Variants in CTSS observed in about 807,000 individuals in gnomAD.
CTSS encodes cathepsin S.
A neutral mutation model predicts 39.9 loss-of-function variants in CTSS; 15 were observed. The ratio of observed to expected loss-of-function variants is 0.38; its 90% CI spans 0.25 to 0.58. The LOEUF (loss-of-function observed/expected upper bound fraction) is 0.58, where lower values mean the gene tolerates loss of function less well. CTSS is among the 20% of genes least tolerant of loss of function. The pLI is 0.70. For synonymous variants in CTSS, 126 were observed against 138.2 expected, an observed-to-expected ratio of 0.91 and a Z score of 0.62; for missense variants, 250 against 398.2, an observed-to-expected ratio of 0.63 and a Z score of 3.17.
intron 7 of CTSS, among the ~76,000 whole-genome samples, chr1:150,742,628 A>G (rs183066446): frequency 6.6e-6 from 1 of 152,262 alleles, no homozygotes; most frequent in East Asian, 1.9e-4. Flanking sequence ...TTTTAAAAAG[A>G]TACCGCTATA....
chr1:150,754,906 G>A (rs889027364), intron 4 of CTSS, 95 bp downstream of exon 4: 19 of 1,281,754 alleles, frequency 1.5e-5, no homozygotes, highest in East Asian at 7.1e-5. Flanking sequence ...AAAGTAACAC[G>A]TGGGACTGTA....
chr1:150,744,587 T>TTA (rs1376310748), intron 7 of CTSS, among the ~76,000 whole-genome samples: 1 of 125,104 alleles, frequency 8.0e-6, no homozygotes, highest in African/African-American at 3.0e-5. Flanking sequence ...ATATTATATA[T>TTA]TATATATGTA....
intron 7 of CTSS, among the ~76,000 whole-genome samples, chr1:150,736,462 A>G (rs1241435494): frequency 6.6e-6 from 1 of 152,194 alleles, no homozygotes; most frequent in East Asian, 1.9e-4. Context: ...TGAAATTCAG[A>G]CCAGTACATC....
At chr1:150,739,827 G>A (rs587761414) in intron 7 of CTSS, among the ~76,000 whole-genome samples, 1 of 152,292 alleles carries the variant, frequency 6.6e-6, no homozygotes, top group East Asian at 1.9e-4. Context: ...CCAGAGCAAG[G>A]CCCTAACTCT....
At chr1:150,752,929 C>T (rs1653036922) in intron 4 of CTSS, among the ~76,000 whole-genome samples, 1 of 152,188 alleles carries the variant, frequency 6.6e-6, no homozygotes, top group African/African-American at 2.4e-5. Flanking sequence ...TCATGGCTCA[C>T]TGTAGCCTCA....
intron 7 of CTSS, among the ~76,000 whole-genome samples, chr1:150,747,496 G>C (rs587630269): frequency 2.4e-4 from 36 of 152,132 alleles, no homozygotes; most frequent in African/African-American, 8.4e-4. Context: ...TAACATTTTT[G>C]GGCTAAATAG....
At chr1:150,748,712 G>T (rs893090112) in intron 6 of CTSS, among the ~76,000 whole-genome samples, 2 of 151,688 alleles carry the variant, frequency 1.3e-5, no homozygotes, top group South Asian at 4.2e-4. Flanking sequence ...CTCCCAAAGC[G>T]CTGGAATTAT....
At chr1:150,757,611 A>C (rs75403710) in intron 3 of CTSS, among the ~76,000 whole-genome samples, 4 of 152,164 alleles carry the variant, frequency 2.6e-5, no homozygotes, top group Admixed American at 2.6e-4. Flanking sequence ...TAAAAAAAAA[A>C]CAATGGTAGT....
In CTSS at chr1:150,745,887, T is replaced by G. The variant is rs187694055; in HGVS notation, c.896+1890A>C. 2.8e-3 allele frequency among the ~76,000 whole-genome samples: 426 copies of G among 152,272 alleles called. 3 individuals carry two copies. The highest frequency in any genetic ancestry group is 5.1e-3 in the Non-Finnish European group (350 of 68,016). On this transcript the variant is annotated intron_variant, in intron 7 of 7. Coordinates refer to ENST00000368985, the MANE Select transcript of CTSS (RefSeq NM_004079.5). Reference sequence around the variant, plus strand: ...TATAAACTCAAGGTATACAGTGTGATGACTTGATGTATGTGCACATTGTGC... The same window carrying G: ...TATAAACTCAAGGTATACAGTGTGAGGACTTGATGTATGTGCACATTGTGC...
At chr1:150,761,561 G>A (rs750521734) in intron 2 of CTSS, among the ~76,000 whole-genome samples, 96 of 151,550 alleles carry the variant, frequency 6.3e-4, no homozygotes, top group Admixed American at 1.7e-3. Context: ...GAAAAACCCC[G>A]ACTCTACTAA....
intron 7 of CTSS, among the ~76,000 whole-genome samples, chr1:150,735,881 T>C (rs1385506263): frequency 6.6e-6 from 1 of 151,120 alleles, no homozygotes; most frequent in African/African-American, 2.4e-5. Flanking sequence ...CTCAGCCTCC[T>C]CAGTAGCTGG....
intron 7 of CTSS, among the ~76,000 whole-genome samples, chr1:150,746,989 A>G (rs1461678421): frequency 6.6e-6 from 1 of 152,188 alleles, no homozygotes; most frequent in Non-Finnish European, 1.5e-5. Context: ...ATTTGAGGGT[A>G]AAGGGGAAGA....
intron 7 of CTSS, among the ~76,000 whole-genome samples, chr1:150,745,591 G>A (rs1268476650): frequency 6.6e-6 from 1 of 152,256 alleles, no homozygotes; most frequent in East Asian, 1.9e-4. Context: ...GAGCCCAGGA[G>A]TTTGAGGTTG....
intron 7 of CTSS, among the ~76,000 whole-genome samples, chr1:150,739,050 A>G (rs1343397875): frequency 6.6e-6 from 1 of 151,960 alleles, no homozygotes; most frequent in Non-Finnish European, 1.5e-5. Flanking sequence ...CAAAATTAGC[A>G]GGGTGTGGTG....
At chr1:150,760,423 G>A (rs772558198) in intron 2 of CTSS, among the ~76,000 whole-genome samples, 16 of 152,172 alleles carry the variant, frequency 1.1e-4, no homozygotes, top group Non-Finnish European at 2.1e-4. Flanking sequence ...AAAATTTAAA[G>A]GCCATTCTGC....
chr1:150,752,382 C>T (rs189227084), intron 4 of CTSS, among the ~76,000 whole-genome samples: 177 of 152,234 alleles, frequency 1.2e-3, no homozygotes, highest in Admixed American at 3.7e-3. Context: ...ATTTCCTTGA[C>T]CTAAAATACC....
intron 2 of CTSS, among the ~76,000 whole-genome samples, chr1:150,761,825 A>G (rs1176607549): frequency 1.3e-5 from 2 of 152,252 alleles, no homozygotes; most frequent in Non-Finnish European, 2.9e-5. Flanking sequence ...TGGAAGAATT[A>G]ATATTGCTAA....
chr1:150,751,284 C>T (rs1233337560), intron 5 of CTSS, among the ~76,000 whole-genome samples: 1 of 151,998 alleles, frequency 6.6e-6, no homozygotes, highest in Non-Finnish European at 1.5e-5. Context: ...AGTCTTGCTC[C>T]GTTGCCGAGG....
chr1:150,741,810 G>A (rs200020878), intron 7 of CTSS, among the ~76,000 whole-genome samples: 3 of 151,852 alleles, frequency 2.0e-5, no homozygotes, highest in Admixed American at 6.6e-5. Context: ...GGGAGACGGA[G>A]GTTGCAGTGA....
Sources: gnomAD v4.1 joint callset for allele counts (sites outside exome capture counted in the v4.1 genomes callset) on GRCh38, gnomAD v4.1.1 for gene constraint, MANE v1.5 for transcripts, NCBI Gene and HGNC (gene_info 2026-07-23, HGNC 2026-07-21) for gene names.